The following GCNT4 variants were observed in gnomAD, a reference collection of about 807,000 sequenced individuals.
GCNT4 encodes beta-1,3-galactosyl-O-glycosyl-glycoprotein beta-1,6-N-acetylglucosaminyltransferase 4.
A neutral mutation model predicts 31.3 loss-of-function variants in GCNT4; 17 were observed. The observed-to-expected ratio is 0.54, with a 90% CI of 0.37 to 0.81. The LOEUF is 0.81. Among genes scored for constraint, GCNT4 ranks in the 40% least tolerant of loss-of-function variants. The probability of loss-of-function intolerance (pLI) is 0.00; values close to 1 mark genes in which losing one functional copy is unlikely to be tolerated. For synonymous variants in GCNT4, 158 were observed against 190.6 expected, an observed-to-expected ratio of 0.83 and a Z score of 1.41; for missense variants, 503 against 525.5, an observed-to-expected ratio of 0.96 and a Z score of 0.42.
chr5:75,045,623 C>T (rs890360906), intron 3 of GCNT4, among the ~76,000 whole-genome samples: 3 of 152,208 alleles, frequency 2.0e-5, no homozygotes, highest in Non-Finnish European at 4.4e-5. Flanking sequence ...GAATTCCTGC[C>T]TTCACTCGTT....
chr5:75,034,175 G>A (rs1743146262), intron 3 of GCNT4, among the ~76,000 whole-genome samples: 1 of 152,186 alleles, frequency 6.6e-6, no homozygotes, highest in Non-Finnish European at 1.5e-5. Flanking sequence ...AATAGTGAGG[G>A]GAATGCTGGC....
intron 3 of GCNT4, among the ~76,000 whole-genome samples, chr5:75,037,587 G>C (rs912030983): frequency 6.6e-6 from 1 of 152,046 alleles, no homozygotes; most frequent in African/African-American, 2.4e-5. Flanking sequence ...CTTTCAGGCC[G>C]GGCACAGTGG....
intron 3 of GCNT4, among the ~76,000 whole-genome samples, chr5:75,043,928 A>G (rs902942272): frequency 1.3e-5 from 2 of 152,198 alleles, no homozygotes; most frequent in Admixed American, 6.5e-5. Flanking sequence ...TCATCCATCT[A>G]TATTTAGAGG....
chr5:75,021,461 C>T (rs1346544668), downstream of GCNT4, among the ~76,000 whole-genome samples: 1 of 152,150 alleles, frequency 6.6e-6, no homozygotes, highest in Non-Finnish European at 1.5e-5. Context: ...CACGTGACCA[C>T]CTCAGTAGCC....
intron 3 of GCNT4, among the ~76,000 whole-genome samples, chr5:75,045,380 A>G (rs1743415091): frequency 6.6e-6 from 1 of 152,130 alleles, no homozygotes; most frequent in South Asian, 2.1e-4. Context: ...GGAATCATAC[A>G]ATATTTGTCC....
At chr5:75,034,193 T>G (rs1743146651) in intron 3 of GCNT4, among the ~76,000 whole-genome samples, 1 of 152,110 alleles carries the variant, frequency 6.6e-6, no homozygotes, top group Admixed American at 6.5e-5. Flanking sequence ...GGCAGGAGGT[T>G]GGAGAGGACC....
intron 3 of GCNT4, among the ~76,000 whole-genome samples, chr5:75,047,430 TGGA>T (rs1211699562): frequency 6.6e-6 from 1 of 152,180 alleles, no homozygotes; most frequent in Non-Finnish European, 1.5e-5. Context: ...TGGAGCATCT[TGGA>T]GGAGGAGAGT....
upstream of GCNT4, among the ~76,000 whole-genome samples, chr5:75,053,420 G>A (rs572812695): frequency 3.2e-4 from 49 of 152,222 alleles, no homozygotes; most frequent in African/African-American, 1.2e-3. Flanking sequence ...GAGGAGCAGA[G>A]GGTCGGGGCG....
chr5:75,017,775 T>A, the GCNT4 span, among the ~76,000 whole-genome samples: 1 of 152,170 alleles, frequency 6.6e-6, no homozygotes, highest in Non-Finnish European at 1.5e-5. Context: ...GGCCACCCAA[T>A]TCCTGCTGCC....
At chr5:75,053,165 AG>A (rs1743624896), upstream of GCNT4, among the ~76,000 whole-genome samples, 1 of 151,676 alleles carries the variant, frequency 6.6e-6, no homozygotes. Flanking sequence ...GTCTGGCCGC[AG>A]GCGGCGGCTG....
chr5:75,031,320 C>T (rs1743057566), intron 3 of GCNT4, among the ~76,000 whole-genome samples: 1 of 152,186 alleles, frequency 6.6e-6, no homozygotes, highest in African/African-American at 2.4e-5. Context: ...GATCCTCCTA[C>T]TTCAGCCTCC....
At chr5:75,034,609 C>T (rs1236123120) in intron 3 of GCNT4, among the ~76,000 whole-genome samples, 1 of 152,216 alleles carries the variant, frequency 6.6e-6, no homozygotes, top group South Asian at 2.1e-4. Context: ...ACGGGAGAAG[C>T]GGTATTTCCC....
At chr5:75,041,202 C>G (rs1215549788) in intron 3 of GCNT4, among the ~76,000 whole-genome samples, 1 of 152,238 alleles carries the variant, frequency 6.6e-6, no homozygotes, top group African/African-American at 2.4e-5. Context: ...GACCACGGAA[C>G]CCACAAAGCA....
chr5:75,029,129 A>C lies in GCNT4; in HGVS notation c.909T>G (p.Ala303=). 6.2e-7 allele frequency: 1 copy of C among 1,613,924 alleles called. No homozygotes were observed. Among genetic ancestry groups the C allele is most frequent in the African/African-American group, 1.3e-5 (1 of 74,936 alleles). The change falls in exon 4 of 4, where the codon GCT becomes GCG. Residue 303 remains alanine (A), a synonymous_variant. Coordinates refer to ENST00000652361, the MANE Select transcript of GCNT4 (RefSeq NM_001366737.1). The part of the protein sequence containing the change: ...PHNIQIFVGS[A]YFVLSQAFVK... ...CAAATGCTTGACTTAAAACAAAATA[A>C]GCACTGCCAACAAATATCTGAATGT...
chr5:75,024,829 T>C (rs1742922436), downstream of GCNT4, among the ~76,000 whole-genome samples: 1 of 151,580 alleles, frequency 6.6e-6, no homozygotes, highest in South Asian at 2.1e-4. Flanking sequence ...CGGGCACCTG[T>C]AATCCCAGTT....
chr5:75,037,224 G>T (rs951794113), intron 3 of GCNT4, among the ~76,000 whole-genome samples: 1 of 152,106 alleles, frequency 6.6e-6, no homozygotes. Flanking sequence ...TTGGTGACTC[G>T]CTCACTGCCA....
intron 3 of GCNT4, among the ~76,000 whole-genome samples, chr5:75,032,895 G>GTGTGTT: frequency 9.2e-6 from 1 of 108,412 alleles, no homozygotes; most frequent in Admixed American, 8.5e-5. Flanking sequence ...GTGTGTGTGT[G>GTGTGTT]TGTGTGTGTG....
At chr5:75,040,646 G>A (rs1743297103) in intron 3 of GCNT4, among the ~76,000 whole-genome samples, 1 of 152,144 alleles carries the variant, frequency 6.6e-6, no homozygotes, top group African/African-American at 2.4e-5. Context: ...GAAAGTCATG[G>A]GGAAAAAGAC....
chr5:75,028,775 A>C lies in GCNT4; in HGVS notation c.1263T>G (p.Ile421Met), dbSNP rs1268596811. The C allele has an allele frequency of 6.2e-7, 1 of 1,614,024 alleles. No individual in the cohort carries two copies. Among genetic ancestry groups the C allele is most frequent in the Admixed American group, 1.7e-5 (1 of 60,008 alleles). The change falls in exon 4 of 4, where the codon ATT becomes ATG. Residue 421 changes from isoleucine (I) to methionine (M), a missense_variant. By Grantham distance (10) the Ile-to-Met change is conservative. Coordinates refer to ENST00000652361, the MANE Select transcript of GCNT4 (RefSeq NM_001366737.1). ...KFDSKVDPILIKCLAEKLEEQ... is the reference protein window; with the variant it reads ...KFDSKVDPILMKCLAEKLEEQ... The stretch of plus-strand genomic sequence containing the variant: ...CTTCAAGCTTTTCTGCCAAGCATTT[A>C]ATCAAGATAGGGTCCACCTTAGAAT...
Sources: gnomAD v4.1 joint callset for allele counts (sites outside exome capture counted in the v4.1 genomes callset) on GRCh38, gnomAD v4.1.1 for gene constraint, MANE v1.5 for transcripts, NCBI Gene and HGNC (gene_info 2026-07-23, HGNC 2026-07-21) for gene names.